Variants in PCDH15 observed in about 807,000 individuals in gnomAD.
PCDH15 encodes protocadherin related 15, also known as protocadherin-15.
Under a neutral mutation model 178.5 loss-of-function variants are expected in PCDH15, and 129 were observed. That is an observed-to-expected ratio of 0.72 (90% CI 0.63 to 0.84). PCDH15 has a LOEUF of 0.84. PCDH15 is among the 40% of genes least tolerant of loss of function. PCDH15 has a pLI of 0.00. For synonymous variants in PCDH15, 800 were observed against 732.0 expected, an observed-to-expected ratio of 1.09 and a Z score of -1.50; for missense variants, 2,230 against 2,099.9, an observed-to-expected ratio of 1.06 and a Z score of -1.21.
At chr10:54,778,781 CT>C (rs1466766319) in intron 1 of PCDH15, among the ~76,000 whole-genome samples, 2 of 151,936 alleles carry the variant, frequency 1.3e-5, no homozygotes, top group Admixed American at 1.3e-4. Context: ...TTTAAGAGGC[CT>C]TGATAATTGC....
At chr10:53,995,224 T>A (rs1236761121) in intron 21 of PCDH15, 1 of 173,916 alleles carries the variant, frequency 5.7e-6, no homozygotes, top group Admixed American at 5.7e-5. Context: ...AATCTTAAGC[T>A]TTTTAATTTA....
At chr10:54,267,419 G>T in intron 8 of PCDH15, among the ~76,000 whole-genome samples, 1 of 151,540 alleles carries the variant, frequency 6.6e-6, no homozygotes, top group South Asian at 2.1e-4. Context: ...TGAAGCCCTA[G>T]CCAGAATGAT....
At chr10:54,067,952 A>G (rs1288510290) in intron 17 of PCDH15, among the ~76,000 whole-genome samples, 1 of 148,720 alleles carries the variant, frequency 6.7e-6, no homozygotes, top group Non-Finnish European at 1.5e-5. Flanking sequence ...TAAGGAGTCA[A>G]GTGATTTTTT....
chr10:54,781,954 T>C (rs1950401505), intron 1 of PCDH15, among the ~76,000 whole-genome samples: 1 of 152,162 alleles, frequency 6.6e-6, no homozygotes, highest in Admixed American at 6.5e-5. Flanking sequence ...TAATTTAGAT[T>C]TGTCACAGTG....
chr10:55,600,294 G>T (rs1843045797), intron 2 of PCDH15, among the ~76,000 whole-genome samples: 1 of 151,864 alleles, frequency 6.6e-6, no homozygotes, highest in Non-Finnish European at 1.5e-5. Flanking sequence ...AACCTGGGAA[G>T]CAGAGCTTGC....
intron 20 of PCDH15, among the ~76,000 whole-genome samples, chr10:54,018,532 A>G (rs1410752177): frequency 3.3e-5 from 5 of 152,262 alleles, no homozygotes; most frequent in East Asian, 3.9e-4. Context: ...ACCTGAAAAT[A>G]TAATACTGGC....
intron 2 of PCDH15, among the ~76,000 whole-genome samples, chr10:55,439,375 A>G (rs1260273653): frequency 6.6e-6 from 1 of 152,146 alleles, no homozygotes; most frequent in Non-Finnish European, 1.5e-5. Context: ...CTACAGAAAT[A>G]AAGTTCCAAA....
At position 55,483,168 on chromosome 10, in the gene PCDH15, A is replaced by C. The variant is rs1589069586; in HGVS notation, c.-156+144457T>G. On this transcript the variant is annotated intron_variant, in intron 2 of 5. Coordinates refer to the PCDH15 transcript ENST00000613346. ...TAATTAAAGAGTTTCTGCACAGCAAAAGAAACTGTCAACAGAATAAACAGA... is the reference window on the plus strand; with the variant it reads ...TAATTAAAGAGTTTCTGCACAGCAACAGAAACTGTCAACAGAATAAACAGA... 2.0e-5 allele frequency among the ~76,000 whole-genome samples: 3 copies of C among 152,028 alleles called. No individual in the cohort carries two copies. In the South Asian group the frequency reaches 6.2e-4, roughly 31 times the overall value.
chr10:54,953,983 A>T (rs959485031), intron 2 of PCDH15, among the ~76,000 whole-genome samples: 1 of 151,262 alleles, frequency 6.6e-6, no homozygotes, highest in African/African-American at 2.4e-5. Context: ...TTAATTCTTC[A>T]TGTATAGATA....
At chr10:55,208,552 C>A (rs1053738488) in intron 1 of PCDH15, among the ~76,000 whole-genome samples, 14 of 151,934 alleles carry the variant, frequency 9.2e-5, no homozygotes, top group Non-Finnish European at 1.9e-4. Flanking sequence ...TTTAGAATAT[C>A]TTTTCCCAAT....
intron 2 of PCDH15, among the ~76,000 whole-genome samples, chr10:55,093,915 G>C (rs555490489): frequency 4.3e-4 from 66 of 152,234 alleles, no homozygotes; most frequent in African/African-American, 1.5e-3. Flanking sequence ...AGGATGTGGA[G>C]AAATAGGAAC....
chr10:54,723,686 G>A (rs1428762753), intron 1 of PCDH15, among the ~76,000 whole-genome samples: 1 of 149,872 alleles, frequency 6.7e-6, no homozygotes, highest in Non-Finnish European at 1.5e-5. Context: ...CAAGAAACTC[G>A]AACAACTCAA....
In PCDH15 at chr10:54,981,197, A is replaced by C. The variant is rs115127343; in HGVS notation, c.-79-83697T>G. ...TCTTTAGATACATTTCACCATCCCA[A>C]TACATTTCATAGCAGTAGGTGAAAT... is the stretch of plus-strand genomic sequence containing the variant. On this transcript the variant is annotated intron_variant, in intron 2 of 5. Transcript: ENST00000458638. Among the ~76,000 whole-genome samples, 504 of 152,238 alleles carry C rather than the reference A, an allele frequency of 3.3e-3. 3 individuals are homozygous for C. The highest frequency in any genetic ancestry group is 0.012 in the African/African-American group (491 of 41,548).
chr10:53,834,980 GT>G (rs1207783121), intron 29 of PCDH15, among the ~76,000 whole-genome samples: 1 of 152,122 alleles, frequency 6.6e-6, no homozygotes, highest in African/African-American at 2.4e-5. Context: ...GTGGGCAGTG[GT>G]TAACATATCT....
At chr10:54,483,464 T>A (rs983636600) in intron 3 of PCDH15, among the ~76,000 whole-genome samples, 1 of 151,870 alleles carries the variant, frequency 6.6e-6, no homozygotes, top group Non-Finnish European at 1.5e-5. Context: ...ATTTTAGGAA[T>A]CTTCCATTAG....
At chr10:54,016,979 A>T (rs1323012498) in intron 20 of PCDH15, among the ~76,000 whole-genome samples, 2 of 152,178 alleles carry the variant, frequency 1.3e-5, no homozygotes, top group South Asian at 4.1e-4. Flanking sequence ...AAATAATAAT[A>T]TGTTTTCAGT....
chr10:53,918,688 C>T lies in PCDH15; in HGVS notation c.3374-15318G>A, dbSNP rs572005777. ...TATTTAATGCTGCTCAAATAGGCGC[C>T]TCTGTCCTTTAATGCAAATACACAA... On this transcript the variant is annotated intron_variant, in intron 25 of 37. Transcript: ENST00000644397. Among the ~76,000 whole-genome samples the T allele has an allele frequency of 7.9e-5, 12 of 151,200 alleles. No individual in the cohort carries two copies. In the South Asian group the frequency reaches 2.3e-3, roughly 29 times the overall value.
intron 1 of PCDH15, among the ~76,000 whole-genome samples, chr10:54,749,405 C>G (rs1348435535): frequency 6.6e-6 from 1 of 152,028 alleles, no homozygotes; most frequent in Non-Finnish European, 1.5e-5. Context: ...GGAGCATATT[C>G]AAAGAATCCA....
chr10:54,656,016 T>C (rs1260577216), intron 2 of PCDH15: 1 of 152,116 alleles, frequency 6.6e-6, no homozygotes, highest in East Asian at 1.9e-4. Context: ...AAGCTTCCAA[T>C]AAAAAAGACA....
Sources: gnomAD v4.1 joint callset for allele counts (sites outside exome capture counted in the v4.1 genomes callset) on GRCh38, gnomAD v4.1.1 for gene constraint, MANE v1.5 for transcripts, NCBI Gene and HGNC (gene_info 2026-07-23, HGNC 2026-07-21) for gene names.